HMBOX1: variants seen among roughly 807,000 people sequenced by gnomAD.
The protein encoded by HMBOX1 is homeobox containing 1.
HMBOX1 carries 14 observed loss-of-function variants against 54.5 expected under a neutral mutation model. That is an observed-to-expected ratio of 0.26 (90% CI 0.17 to 0.40). The LOEUF is 0.40. HMBOX1 is among the 10% of genes least tolerant of loss of function. The pLI is 1.00. For synonymous variants in HMBOX1, 160 were observed against 181.0 expected, an observed-to-expected ratio of 0.88 and a Z score of 0.93; for missense variants, 332 against 514.4, an observed-to-expected ratio of 0.65 and a Z score of 3.43.
chr8:29,006,662 C>G (rs1250710982), intron 4 of HMBOX1, among the ~76,000 whole-genome samples: 1 of 152,036 alleles, frequency 6.6e-6, no homozygotes, highest in African/African-American at 2.4e-5. Context: ...ATTTTAAAGC[C>G]TACCAGTGTT....
chr8:28,896,397 A>G (rs1461727953), intron 1 of HMBOX1, among the ~76,000 whole-genome samples: 3 of 123,016 alleles, frequency 2.4e-5, no homozygotes, highest in East Asian at 2.0e-4. Context: ...TAGATTGCAT[A>G]ATCACCACCA....
intron 1 of HMBOX1, among the ~76,000 whole-genome samples, chr8:28,918,355 C>A (rs1425408995): frequency 1.3e-5 from 2 of 152,130 alleles, no homozygotes; most frequent in Non-Finnish European, 1.5e-5. Context: ...AGGTGCATGC[C>A]ACCACGCCTG....
chr8:29,000,165 A>G (rs186187577), intron 4 of HMBOX1, among the ~76,000 whole-genome samples: 3 of 152,214 alleles, frequency 2.0e-5, no homozygotes, highest in African/African-American at 7.2e-5. Context: ...ATTATTAGGT[A>G]AAAATTTCCT....
intron 4 of HMBOX1, among the ~76,000 whole-genome samples, chr8:28,993,660 A>C (rs7823358): frequency 0.17 from 25,428 of 152,086 alleles, 2,559 homozygotes; most frequent in East Asian, 0.47. Context: ...TGTATTAAAA[A>C]AAAATTCCAG....
rs1810761629 is a variant in HMBOX1 at position 28,890,887 on chromosome 8, C to G, written c.-58+209C>G. 2.0e-5 allele frequency: 3 copies of G among 151,980 alleles called. No homozygotes were observed. The South Asian group carries it at 6.2e-4, about 32-fold the overall frequency. 9.4% of individuals were successfully genotyped at this position (151,980 alleles called of 1,614,324 possible). Reference sequence around the variant, plus strand: ...ACGCGGGCTGTGGGGTGGGGCAGTTCGTGGGGTCCGGTCCTGGAAAGGCGT... The same window carrying G: ...ACGCGGGCTGTGGGGTGGGGCAGTTGGTGGGGTCCGGTCCTGGAAAGGCGT... On this transcript the variant is annotated intron_variant, in intron 1 of 9. Transcript: ENST00000287701.
chr8:28,961,256 A>G (rs1023305229), intron 1 of HMBOX1, among the ~76,000 whole-genome samples: 1 of 152,222 alleles, frequency 6.6e-6, no homozygotes, highest in Non-Finnish European at 1.5e-5. Context: ...TTTAACGTAT[A>G]TAGTTCAGTG....
intron 1 of HMBOX1, among the ~76,000 whole-genome samples, chr8:28,938,502 G>A (rs151003941): frequency 4.5e-4 from 69 of 152,094 alleles, no homozygotes; most frequent in African/African-American, 1.5e-3. Context: ...ACAGTGGCAC[G>A]ATCATAGAAT....
Position 29,051,419 on chromosome 8 carries a change from C to A in HMBOX1, c.*264C>A. ...CCGAGGCTAGAAAATCTTGCTGCTC[C>A]GTCTTAGCATTCCAAGAAAGTGCTT... On this transcript the variant is annotated 3_prime_UTR_variant, in exon 10 of 10. Coordinates refer to ENST00000287701, the MANE Select transcript of HMBOX1 (RefSeq NM_001135726.3). The A allele has an allele frequency of 1.5e-6, 1 of 659,096 alleles. No homozygotes were observed. Among genetic ancestry groups the A allele is most frequent in the Non-Finnish European group, 2.8e-6 (1 of 359,902 alleles). The allele number at this position is 659,096 out of a possible 1,614,324, so 40.8% of individuals were successfully genotyped here. A position where few individuals can be genotyped will look rare whatever the true frequency, so the allele number is the denominator to read the frequency against.
intron 1 of HMBOX1, among the ~76,000 whole-genome samples, chr8:28,929,609 A>G (rs1249861449): frequency 9.9e-5 from 15 of 152,180 alleles, no homozygotes; most frequent in Admixed American, 9.8e-4. Context: ...TCTTTATTGA[A>G]CTAGGATGGT....
At chr8:28,943,166 G>T (rs571872023) in intron 1 of HMBOX1, among the ~76,000 whole-genome samples, 1 of 152,176 alleles carries the variant, frequency 6.6e-6, no homozygotes, top group Admixed American at 6.5e-5. Context: ...TTCTGTGTCC[G>T]TTTAGGGTCT....
intron 3 of HMBOX1, among the ~76,000 whole-genome samples, chr8:28,979,378 G>C (rs970982181): frequency 6.6e-6 from 1 of 152,018 alleles, no homozygotes; most frequent in African/African-American, 2.4e-5. Context: ...GGAAAAATGA[G>C]GTCTATAATG....
At chr8:28,899,526 G>A (rs1220625127) in intron 1 of HMBOX1, among the ~76,000 whole-genome samples, 4 of 152,148 alleles carry the variant, frequency 2.6e-5, no homozygotes, top group African/African-American at 9.7e-5. Flanking sequence ...CAATAAGCAG[G>A]AATTCAAATA....
At chr8:29,050,913 G>C (rs1806351300) in intron 9 of HMBOX1, 105 bp from the exon 10 acceptor site, 1 of 1,115,208 alleles carries the variant, frequency 9.0e-7, no homozygotes, top group Non-Finnish European at 1.3e-6. Flanking sequence ...CCCTCCCCCA[G>C]TTTCCTCCCA....
chr8:28,957,925 C>G lies in HMBOX1; in HGVS notation c.-57-5886C>G, dbSNP rs570253998. 5.3e-5 allele frequency among the ~76,000 whole-genome samples: 8 copies of G among 152,254 alleles called. No individual in the cohort carries two copies. The South Asian group carries it at 1.5e-3, about 28-fold the overall frequency. ...GGTGGTTCATGCCACCACGCCCAGC[C>G]TAGGTCCTATTTTTAAATTGAAAGG... On this transcript the variant is annotated intron_variant, in intron 1 of 9. Transcript: ENST00000287701.
intron 1 of HMBOX1, among the ~76,000 whole-genome samples, chr8:28,959,972 G>C (rs1318320346): frequency 1.3e-5 from 2 of 151,510 alleles, no homozygotes; most frequent in Non-Finnish European, 2.9e-5. Flanking sequence ...CCAATACTAT[G>C]GCTGTATTTT....
At chr8:28,925,352 A>G (rs1818265227) in intron 1 of HMBOX1, among the ~76,000 whole-genome samples, 1 of 152,174 alleles carries the variant, frequency 6.6e-6, no homozygotes, top group African/African-American at 2.4e-5. Flanking sequence ...GGTTGCAGAG[A>G]AAACTGTTTT....
At chr8:28,925,785 TTTAAAAATAATGTA>T (rs2131841402) in intron 1 of HMBOX1, among the ~76,000 whole-genome samples, 1 of 152,242 alleles carries the variant, frequency 6.6e-6, no homozygotes, top group Admixed American at 6.5e-5. Flanking sequence ...TTTTTTATAT[TTTAAAAATAATGTA>T]TTAAAAATAA....
chr8:28,908,274 A>G (rs1814723020), intron 1 of HMBOX1, among the ~76,000 whole-genome samples: 1 of 152,232 alleles, frequency 6.6e-6, no homozygotes, highest in Non-Finnish European at 1.5e-5. Flanking sequence ...TTTGTTTTAT[A>G]GGACCTTTCC....
intron 5 of HMBOX1, chr8:29,009,404 GAC>G: frequency 8.4e-6 from 8 of 952,530 alleles, no homozygotes; most frequent in Non-Finnish European, 1.0e-5. Flanking sequence ...CTTCCCCTAA[GAC>G]ACCTCTTTGC....
Sources: allele counts gnomAD v4.1 joint callset (sites outside exome capture counted in the v4.1 genomes callset), GRCh38; gene constraint gnomAD v4.1.1; transcripts MANE v1.5; gene names NCBI Gene and HGNC (gene_info 2026-07-23, HGNC 2026-07-21).